MYCT1: variants seen among roughly 807,000 people sequenced by gnomAD.
MYCT1 encodes the protein MYC target 1.
In MYCT1, 12 loss-of-function variants were observed where a neutral mutation model predicts 15.0. The observed-to-expected ratio is 0.80, with a 90% CI of 0.51 to 1.29. MYCT1 has a LOEUF of 1.29. Ranked by LOEUF, MYCT1 falls within the 50% of genes most tolerant of loss-of-function variation. MYCT1 has a pLI of 0.00. For synonymous variants in MYCT1, 104 were observed against 102.7 expected (o/e 1.01, Z -0.07); for missense variants, 287 against 279.1 (o/e 1.03, Z -0.20).
chr6:152,746,183 T>G, the MYCT1 span, among the ~76,000 whole-genome samples: 1 of 152,246 alleles, frequency 6.6e-6, no homozygotes, highest in East Asian at 1.9e-4. Context: ...TTGTTTTTCA[T>G]TTGATCCATA....
At chr6:152,738,905 A>G in the MYCT1 span, among the ~76,000 whole-genome samples, 1 of 152,090 alleles carries the variant, frequency 6.6e-6, no homozygotes, top group African/African-American at 2.4e-5. Flanking sequence ...AGAATTTTAA[A>G]TATAAGGCAC....
At chr6:152,708,741 T>G (rs2099722717) in intron 1 of MYCT1, among the ~76,000 whole-genome samples, 1 of 152,092 alleles carries the variant, frequency 6.6e-6, no homozygotes, top group African/African-American at 2.4e-5. Flanking sequence ...CAATTTCTTC[T>G]TAAAGATCCC....
the MYCT1 span, among the ~76,000 whole-genome samples, chr6:152,737,712 T>TAG: frequency 6.6e-6 from 1 of 152,126 alleles, no homozygotes; most frequent in Non-Finnish European, 1.5e-5. Context: ...ACCCTCTTAT[T>TAG]TACTACTAGA....
chr6:152,736,706 A>G, the MYCT1 span, among the ~76,000 whole-genome samples: 5 of 152,306 alleles, frequency 3.3e-5, no homozygotes, highest in East Asian at 7.7e-4. Context: ...TTAAAAAAAG[A>G]AATTCGTGAA....
chr6:152,699,192 C>T (rs1239671088), intron 1 of MYCT1, among the ~76,000 whole-genome samples: 1 of 152,064 alleles, frequency 6.6e-6, no homozygotes, highest in Non-Finnish European at 1.5e-5. Flanking sequence ...ATATGTCTAC[C>T]ATCACAGAAA....
intron 1 of MYCT1, among the ~76,000 whole-genome samples, chr6:152,716,197 T>A (rs1006044218): frequency 1.3e-5 from 2 of 152,142 alleles, no homozygotes; most frequent in Non-Finnish European, 2.9e-5. Context: ...ACAGACCCAA[T>A]AAGATGTTCT....
chr6:152,747,129 C>T, the MYCT1 span, among the ~76,000 whole-genome samples: 1 of 151,578 alleles, frequency 6.6e-6, no homozygotes, highest in Admixed American at 6.6e-5. Flanking sequence ...TTTATATATA[C>T]TCTAATATAG....
chr6:152,727,862 T>C (rs2099725931), downstream of MYCT1, among the ~76,000 whole-genome samples: 1 of 152,064 alleles, frequency 6.6e-6, no homozygotes, highest in African/African-American at 2.4e-5. Context: ...GGAGAGTCTT[T>C]ATTGAAAAAT....
chr6:152,700,818 GC>G lies in MYCT1; in HGVS notation c.196+2721del, dbSNP rs2099721180. Among the ~76,000 whole-genome samples, 3 of 152,082 alleles carry G rather than the reference GC, an allele frequency of 2.0e-5. No homozygotes were observed. In the South Asian group the frequency reaches 6.2e-4, roughly 31 times the overall value. On this transcript the variant is annotated intron_variant, in intron 1 of 1. Transcript: ENST00000367245. ...TTGGTTGTTTCTGCTGTCTTGCTTT[GC>G]ATTTTTTTCCTTATGGCTAGCTTTG... is the stretch of plus-strand genomic sequence containing the variant.
chr6:152,721,633 TG>T, intron 1 of MYCT1, 108 bp from the exon 2 acceptor site: 1 of 1,019,054 alleles, frequency 9.8e-7, no homozygotes, highest in Non-Finnish European at 1.4e-6. Flanking sequence ...ATTCAAAGTA[TG>T]TTTAAATTAA....
chr6:152,718,503 C>T (rs565032665), intron 1 of MYCT1, among the ~76,000 whole-genome samples: 89 of 152,216 alleles, frequency 5.8e-4, no homozygotes, highest in African/African-American at 1.4e-3. Flanking sequence ...ACCTCGGCCT[C>T]GCAAAGTGCT....
intron 1 of MYCT1, among the ~76,000 whole-genome samples, chr6:152,720,114 T>C (rs1457775524): frequency 3.9e-5 from 6 of 151,928 alleles, no homozygotes; most frequent in Admixed American, 6.6e-5. Context: ...GCATCTGAAT[T>C]ATCTAGGATG....
At position 152,699,822 on chromosome 6, in the gene MYCT1, T is replaced by A. The variant is rs149925443; in HGVS notation, c.196+1724T>A. 5.3e-3 allele frequency among the ~76,000 whole-genome samples: 809 copies of A among 152,184 alleles called. 4 individuals carry two copies. Among genetic ancestry groups the A allele is most frequent in the African/African-American group, 0.019 (784 of 41,554 alleles). On this transcript the variant is annotated intron_variant, in intron 1 of 1. Transcript: ENST00000367245. ...TTAATAAGAGAATGTTTAGTTGGAGTTCACCTATTGATTCTAAAAATTTAG... is the reference window on the plus strand; with the variant it reads ...TTAATAAGAGAATGTTTAGTTGGAGATCACCTATTGATTCTAAAAATTTAG...
downstream of MYCT1, among the ~76,000 whole-genome samples, chr6:152,728,021 A>G (rs190808166): frequency 7.9e-5 from 12 of 152,048 alleles, no homozygotes; most frequent in African/African-American, 2.4e-4. Flanking sequence ...AAAATTAGCC[A>G]GGCGTGGTGG....
At chr6:152,700,261 G>A (rs1433184264) in intron 1 of MYCT1, among the ~76,000 whole-genome samples, 1 of 152,006 alleles carries the variant, frequency 6.6e-6, no homozygotes, top group African/African-American at 2.4e-5. Context: ...CTTGTACAAT[G>A]CAGTGTAATG....
At chr6:152,729,740 T>C in the MYCT1 span, among the ~76,000 whole-genome samples, 1 of 152,162 alleles carries the variant, frequency 6.6e-6, no homozygotes, top group Non-Finnish European at 1.5e-5. Context: ...GCCTACATAT[T>C]TAAACCTTGT....
At chr6:152,739,568 G>T in the MYCT1 span, among the ~76,000 whole-genome samples, 1 of 151,868 alleles carries the variant, frequency 6.6e-6, no homozygotes, top group Non-Finnish European at 1.5e-5. Context: ...ATTTATGATG[G>T]AACATTTAAC....
intron 1 of MYCT1, among the ~76,000 whole-genome samples, chr6:152,715,262 T>C (rs974942702): frequency 1.3e-5 from 2 of 152,298 alleles, no homozygotes; most frequent in East Asian, 1.9e-4. Flanking sequence ...ATTGGTTTGA[T>C]ACATGTTAGT....
At chr6:152,728,232 A>G (rs930228374), downstream of MYCT1, among the ~76,000 whole-genome samples, 15 of 151,976 alleles carry the variant, frequency 9.9e-5, no homozygotes, top group African/African-American at 3.6e-4. Context: ...AGAGAACAAG[A>G]GGGCTGAAAC....
Sources: gnomAD v4.1 joint callset for allele counts (sites outside exome capture counted in the v4.1 genomes callset) on GRCh38, gnomAD v4.1.1 for gene constraint, MANE v1.5 for transcripts, NCBI Gene and HGNC (gene_info 2026-07-23, HGNC 2026-07-21) for gene names.